NFASC: variants seen among roughly 807,000 people sequenced by gnomAD.
The protein encoded by NFASC is neurofascin homolog.
Under a neutral mutation model 147.5 loss-of-function variants are expected in NFASC, and 43 were observed. The ratio of observed to expected loss-of-function variants is 0.29; its 90% CI spans 0.23 to 0.38. NFASC has a LOEUF of 0.38. Among genes scored for constraint, NFASC ranks in the 10% least tolerant of loss-of-function variants. The pLI, the probability that NFASC is intolerant of heterozygous loss-of-function variation, is 1.00. For missense variants in NFASC, 1,320 were observed against 1,689.0 expected (o/e 0.78, Z 3.83); for synonymous variants, 622 against 665.5 (o/e 0.93, Z 1.01).
intron 1 of NFASC, among the ~76,000 whole-genome samples, chr1:204,892,428 A>G (rs1361287245): frequency 2.0e-5 from 3 of 152,200 alleles, no homozygotes; most frequent in African/African-American, 7.2e-5. Context: ...TCTGATGGCC[A>G]TGTCAGGTGT....
rs185442123 is a variant in NFASC, at chr1:205,006,218, T to C, written c.3290-3339T>C. Among the ~76,000 whole-genome samples, 300 of 152,344 alleles carry C rather than the reference T, an allele frequency of 2.0e-3. 3 individuals are homozygous for C. The highest frequency in any genetic ancestry group is 6.6e-3 in the African/African-American group (276 of 41,576). ...GTATGCCAGGTTAACTGTATTATAG[T>C]AAGATTAAATTCACCCATTAATCAA... On this transcript the variant is annotated intron_variant, in intron 27 of 29. Coordinates refer to ENST00000339876, the MANE Select transcript of NFASC (RefSeq NM_001005388.3).
chr1:204,920,866 G>C (rs2090319759), intron 2 of NFASC, 126 bp downstream of exon 2: 1 of 394,994 alleles, frequency 2.5e-6, no homozygotes, highest in Non-Finnish European at 4.8e-6. Context: ...TCTTCTGAGA[G>C]GCATCTCCTT....
intron 1 of NFASC, among the ~76,000 whole-genome samples, chr1:204,906,351 C>G (rs1043994149): frequency 1.3e-5 from 2 of 152,104 alleles, no homozygotes; most frequent in Non-Finnish European, 2.9e-5. Flanking sequence ...TCTCTTGTAC[C>G]CTTTTTTGGG....
At chr1:204,971,252 C>A (rs1351774947) in intron 11 of NFASC, among the ~76,000 whole-genome samples, 1 of 152,150 alleles carries the variant, frequency 6.6e-6, no homozygotes, top group Admixed American at 6.5e-5. Flanking sequence ...CCCAGAAGAG[C>A]AGATGTACAA....
At chr1:204,962,982 C>T (rs572316685) in intron 8 of NFASC, among the ~76,000 whole-genome samples, 1 of 152,180 alleles carries the variant, frequency 6.6e-6, no homozygotes, top group Non-Finnish European at 1.5e-5. Context: ...CAGCCAGAGG[C>T]ACCATCATTT....
rs1452686028 is a variant in NFASC, at chr1:205,021,542, A to G, written c.*5003A>G. 1 of 153,016 alleles carries G rather than the reference A, an allele frequency of 6.5e-6. No homozygotes were observed. Among genetic ancestry groups the G allele is most frequent in the Non-Finnish European group, 1.5e-5 (1 of 68,046 alleles). The allele number at this position is 153,016 out of a possible 1,614,324, so 9.5% of individuals were successfully genotyped here. A position where few individuals can be genotyped will look rare whatever the true frequency, so the allele number is the denominator to read the frequency against. ...CTATCGTACAGACAAGGATATGCAA[A>G]TCCACAGAAGTGAAGGGATTTTTGC... On this transcript the variant is annotated 3_prime_UTR_variant, in exon 30 of 30. Transcript: ENST00000339876.
At chr1:204,835,213 CTTTT>C (rs1001302661) in intron 1 of NFASC, among the ~76,000 whole-genome samples, 1,087 of 80,484 alleles carry the variant, frequency 0.014, 16 homozygotes, top group African/African-American at 0.054. Context: ...TGAGGTGGGT[CTTTT>C]TTTTTTTTTT....
At chr1:204,870,586 C>T (rs2077526907) in intron 1 of NFASC, 1 of 847,058 alleles carries the variant, frequency 1.2e-6, no homozygotes, top group Non-Finnish European at 1.4e-6. Flanking sequence ...TGGTACGTCT[C>T]TCTGTCTATC....
intron 1 of NFASC, among the ~76,000 whole-genome samples, chr1:204,899,540 G>A (rs1204564271): frequency 6.6e-6 from 1 of 152,174 alleles, no homozygotes; most frequent in East Asian, 1.9e-4. Context: ...CCAGAGCCCT[G>A]TCTAGCATAC....
At chr1:204,846,342 A>G (rs1571980076) in intron 1 of NFASC, among the ~76,000 whole-genome samples, 1 of 152,160 alleles carries the variant, frequency 6.6e-6, no homozygotes, top group African/African-American at 2.4e-5. Context: ...CCTGTGATCT[A>G]ATTGTGTCCT....
intron 24 of NFASC, among the ~76,000 whole-genome samples, chr1:204,994,862 G>A (rs1313979778): frequency 6.6e-6 from 1 of 152,174 alleles, no homozygotes; most frequent in African/African-American, 2.4e-5. Context: ...TCCGGCAGGT[G>A]CACACTTTGG....
intron 2 of NFASC, among the ~76,000 whole-genome samples, chr1:204,923,437 G>A (rs2090919489): frequency 6.6e-6 from 1 of 152,112 alleles, no homozygotes; most frequent in Admixed American, 6.5e-5. Flanking sequence ...CCCATCACGG[G>A]AAGCAGACAC....
chr1:205,012,843 A>G lies in NFASC; in HGVS notation c.3468A>G (p.Glu1156=), dbSNP rs1311664501. The G allele has an allele frequency of 1.2e-6, 2 of 1,613,384 alleles. No individual in the cohort carries two copies. Among genetic ancestry groups the G allele is most frequent in the South Asian group, 2.2e-5 (2 of 91,070 alleles). Residue 1156 remains glutamate, a synonymous_variant, in exon 29 of 30, where the codon GAA becomes GAG. Coordinates refer to ENST00000339876, the MANE Select transcript of NFASC (RefSeq NM_001005388.3). ...DVPLGPEDPK[E]EDGSFDYSDE... ...CCCTTGGCCCTGAAGACCCCAAGGA[A>G]GAGGATGGCTCATTTGACTATAGGT...
chr1:205,009,768 C>G, intron 28 of NFASC, 80 bp downstream of exon 28: 1 of 1,448,742 alleles, frequency 6.9e-7, no homozygotes, highest in Non-Finnish European at 9.4e-7. Flanking sequence ...CAGCCAGATC[C>G]GGGGAATGTG....
At position 205,016,583 on chromosome 1, in the gene NFASC, G is replaced by C. The variant is rs374193283; in HGVS notation, c.*44G>C. The C allele has an allele frequency of 1.7e-4, 241 of 1,392,402 alleles. 1 individual carries two copies. Among genetic ancestry groups the C allele is most frequent in the Non-Finnish European group, 2.2e-4 (220 of 980,348 alleles). 86.3% of individuals were successfully genotyped at this position (1,392,402 alleles called of 1,614,324 possible). A position where few individuals can be genotyped will look rare whatever the true frequency, so the allele number is the denominator to read the frequency against. ...AGCCACCACTTTGCAAGTGGGAGGA[G>C]GGGAGAAGGGGAGACAAAACCACTG... On this transcript the variant is annotated 3_prime_UTR_variant, in exon 30 of 30. Transcript: ENST00000339876. The surrounding 1 kb of genome is among the most constrained non-coding windows in gnomAD (Gnocchi z 5.1).
Position 204,920,734 on chromosome 1 carries a change from A to T in NFASC, c.-97A>T. ...TTGCAAGGAAGAGGCTGAATGAGGCAGAGAAGGTAAGCAGGACTTGGGCCT... is the reference window on the plus strand; with the variant it reads ...TTGCAAGGAAGAGGCTGAATGAGGCTGAGAAGGTAAGCAGGACTTGGGCCT... On this transcript the variant is annotated 5_prime_UTR_variant, in exon 2 of 30. Coordinates refer to ENST00000339876, the MANE Select transcript of NFASC (RefSeq NM_001005388.3). The T allele has an allele frequency of 7.8e-7, 1 of 1,285,434 alleles. No homozygotes were observed. Among genetic ancestry groups the T allele is most frequent in the South Asian group, 1.2e-5 (1 of 80,938 alleles). 79.6% of individuals were successfully genotyped at this position (1,285,434 alleles called of 1,614,324 possible). A position where few individuals can be genotyped will look rare whatever the true frequency, so the allele number is the denominator to read the frequency against.
chr1:204,978,915 A>G (rs542142041), intron 17 of NFASC, 53 bp from the exon 18 acceptor site: 12 of 1,396,352 alleles, frequency 8.6e-6, no homozygotes, highest in Non-Finnish European at 1.2e-5. Context: ...GGGCCATCAC[A>G]AGGGTGGACC....
At position 204,957,652 on chromosome 1, in the gene NFASC, A is replaced by G. The variant is rs1197779263; in HGVS notation, c.536-4A>G. 11 of 1,613,642 alleles carry G rather than the reference A, an allele frequency of 6.8e-6. No homozygotes were observed. Among genetic ancestry groups the G allele is most frequent in the Non-Finnish European group, 9.3e-6 (11 of 1,179,724 alleles). On this transcript the variant is annotated splice_polypyrimidine_tract_variant and splice_region_variant and intron_variant, in intron 7 of 29. Transcript: ENST00000339876. ...CCTGCTGCCGTACCTCTGCTTTCTTATAGCCATGGAGCCCATCACCCAAGA... is the reference window on the plus strand; with the variant it reads ...CCTGCTGCCGTACCTCTGCTTTCTTGTAGCCATGGAGCCCATCACCCAAGA...
chr1:204,993,776 G>A (rs777479917), intron 24 of NFASC: 3 of 517,912 alleles, frequency 5.8e-6, no homozygotes, highest in Non-Finnish European at 1.2e-5. Flanking sequence ...TCATGTGTCT[G>A]CCCAGCCTGG....
Sources: gnomAD v4.1 joint callset for allele counts (sites outside exome capture counted in the v4.1 genomes callset) on GRCh38, gnomAD v4.1.1 for gene constraint, Gnocchi (gnomAD v3.1) non-coding constraint, MANE v1.5 for transcripts, NCBI Gene and HGNC (gene_info 2026-07-23, HGNC 2026-07-21) for gene names.